PON2: variants seen among roughly 807,000 people sequenced by gnomAD.
The protein encoded by PON2 is serum paraoxonase/arylesterase 2.
In PON2, 27 loss-of-function variants were observed where a neutral mutation model predicts 36.6. The observed-to-expected ratio is 0.74, with a 90% CI of 0.54 to 1.02. The LOEUF (loss-of-function observed/expected upper bound fraction) is 1.02. Ranked by LOEUF, PON2 falls within the 50% of genes least tolerant of loss-of-function variation. The probability of loss-of-function intolerance (pLI) is 0.00; values close to 1 mark genes in which losing one functional copy is unlikely to be tolerated. For synonymous variants in PON2, 149 were observed against 156.3 expected, an observed-to-expected ratio of 0.95 and a Z score of 0.35; for missense variants, 363 against 421.1, an observed-to-expected ratio of 0.86 and a Z score of 1.21.
intron 2 of PON2, among the ~76,000 whole-genome samples, chr7:95,420,327 A>T (rs1789163468): frequency 6.6e-6 from 1 of 152,208 alleles, no homozygotes; most frequent in African/African-American, 2.4e-5. Flanking sequence ...CAAATTTTGA[A>T]GGCCAGACAT....
chr7:95,434,793 TC>T (rs1562795612), intron 1 of PON2, 84 bp downstream of exon 1: 1 of 1,436,984 alleles, frequency 7.0e-7, no homozygotes, highest in Non-Finnish European at 9.3e-7. Flanking sequence ...CAGGAATCCC[TC>T]CCCCAGCCTG....
In PON2 at chr7:95,414,005, G is replaced by A. The variant is rs144138870; in HGVS notation, c.202-1528C>T. 3.3e-3 allele frequency among the ~76,000 whole-genome samples: 507 copies of A among 152,038 alleles called. 4 individuals are homozygous for A. The highest frequency in any genetic ancestry group is 4.9e-3 in the Non-Finnish European group (330 of 67,972). ...GTGATAACTAGTCATGGTTATGTTCGCACTCCTTATTTATTTAAGTATTTT... is the reference window on the plus strand; with the variant it reads ...GTGATAACTAGTCATGGTTATGTTCACACTCCTTATTTATTTAAGTATTTT... On this transcript the variant is annotated intron_variant, in intron 3 of 8. Coordinates refer to ENST00000222572, the MANE Select transcript of PON2 (RefSeq NM_000305.3).
chr7:95,425,708 G>A (rs1789299369), intron 1 of PON2, among the ~76,000 whole-genome samples: 1 of 152,128 alleles, frequency 6.6e-6, no homozygotes, highest in Non-Finnish European at 1.5e-5. Context: ...AACCCAGAAT[G>A]ACTCATAGGT....
rs564140270 is a variant in PON2, at chr7:95,416,603, G to A, written c.146-306C>T. On this transcript the variant is annotated intron_variant, in intron 2 of 8. Coordinates refer to ENST00000222572, the MANE Select transcript of PON2 (RefSeq NM_000305.3). ...TCTCATGATAAACATCCAGATGTCC[G>A]TATAAAAGTAATTGACATCAGGGGA... 11 of 411,688 alleles carry A rather than the reference G, an allele frequency of 2.7e-5. 1 individual carries two copies. The highest frequency in any genetic ancestry group is 1.4e-4 in the African/African-American group (7 of 49,734). 25.5% of individuals were successfully genotyped at this position (411,688 alleles called of 1,614,324 possible). A position where few individuals can be genotyped will look rare whatever the true frequency, so the allele number is the denominator to read the frequency against.
intron 2 of PON2, among the ~76,000 whole-genome samples, chr7:95,420,471 A>G (rs979741291): frequency 6.6e-6 from 1 of 152,214 alleles, no homozygotes; most frequent in Non-Finnish European, 1.5e-5. Context: ...ATAGATCGGG[A>G]AGGAATTTTT....
At chr7:95,405,551 A>G (rs1809661903) in intron 8 of PON2, 63 bp from the exon 9 acceptor site, 1 of 1,492,720 alleles carries the variant, frequency 6.7e-7, no homozygotes, top group South Asian at 1.1e-5. Context: ...TCAATCATCA[A>G]TAAGCCCTGT....
rs537400581 is a variant in PON2, at chr7:95,418,199, G to T, written c.146-1902C>A. The stretch of plus-strand genomic sequence containing the variant: ...TATGTCAGGAGCAGTCAATGCTAGA[G>T]AAATTTTTGCTCCTCTAATTTAATA... On this transcript the variant is annotated intron_variant, in intron 2 of 8. Coordinates refer to ENST00000222572, the MANE Select transcript of PON2 (RefSeq NM_000305.3). 1.4e-4 allele frequency: 22 copies of T among 152,290 alleles called. 1 individual carries two copies. The highest frequency in any genetic ancestry group is 4.1e-4 in the African/African-American group (17 of 41,554). 9.4% of individuals were successfully genotyped at this position (152,290 alleles called of 1,614,324 possible). A position where few individuals can be genotyped will look rare whatever the true frequency, so the allele number is the denominator to read the frequency against.
rs373820999 is a variant in PON2, at chr7:95,407,101, A to C, written c.696-33T>G. 3.7e-6 allele frequency: 5 copies of C among 1,350,188 alleles called. No homozygotes were observed. In the African/African-American group the frequency reaches 7.2e-5, roughly 19 times the overall value. The allele number at this position is 1,350,188 out of a possible 1,614,324, so 83.6% of individuals were successfully genotyped here. ...GAAAGGACACAGTGGTTAGAGCTCCATGCCAATATAAAGCTTCATTAATAC... is the reference window on the plus strand; with the variant it reads ...GAAAGGACACAGTGGTTAGAGCTCCCTGCCAATATAAAGCTTCATTAATAC... On this transcript the variant is annotated intron_variant, in intron 6 of 8. Transcript: ENST00000222572.
chr7:95,431,418 A>G (rs1011459128), intron 1 of PON2, among the ~76,000 whole-genome samples: 1 of 151,760 alleles, frequency 6.6e-6, no homozygotes, highest in Non-Finnish European at 1.5e-5. Flanking sequence ...AGGTGGGAAC[A>G]TGCTTTTTTT....
intron 1 of PON2, among the ~76,000 whole-genome samples, chr7:95,432,865 T>C (rs534323318): frequency 6.6e-6 from 1 of 152,340 alleles, no homozygotes; most frequent in African/African-American, 2.4e-5. Context: ...ACTACAACCA[T>C]GGGACAGTGG....
intron 2 of PON2, among the ~76,000 whole-genome samples, chr7:95,417,851 A>G (rs1789105460): frequency 8.6e-6 from 1 of 115,922 alleles, no homozygotes; most frequent in African/African-American, 3.2e-5. Flanking sequence ...ACGTGGAAAA[A>G]GAAGATATAT....
chr7:95,411,522 T>C (rs1788923799), intron 5 of PON2, 131 bp downstream of exon 5: 4 of 1,153,902 alleles, frequency 3.5e-6, no homozygotes, highest in East Asian at 2.5e-5. Flanking sequence ...TAAGGAAATA[T>C]AAGCTCTTTA....
In PON2 at chr7:95,411,561, T is replaced by C. The variant is rs186821051; in HGVS notation, c.494+92A>G. On this transcript the variant is annotated intron_variant, in intron 5 of 8. Transcript: ENST00000222572. ...CTTACATATTAGCTAATATATACAT[T>C]AGCGCTTATAAAAGATGACAGGACA... 11 of 1,463,668 alleles carry C rather than the reference T, an allele frequency of 7.5e-6. No homozygotes were observed. In the Admixed American group the frequency reaches 1.2e-4, roughly 16 times the overall value. 90.7% of individuals were successfully genotyped at this position (1,463,668 alleles called of 1,614,324 possible).
intron 1 of PON2, among the ~76,000 whole-genome samples, chr7:95,427,711 G>A (rs1789348023): frequency 6.6e-6 from 1 of 152,092 alleles, no homozygotes; most frequent in Admixed American, 6.6e-5. Context: ...TTTTTCATGT[G>A]AGGAAAATAA....
rs1789498811 is a variant in PON2 at position 95,433,822 on chromosome 7, T to C, written c.74+1056A>G. Among the ~76,000 whole-genome samples the C allele has an allele frequency of 4.6e-5, 7 of 152,348 alleles. No homozygotes were observed. In the South Asian group the frequency reaches 1.4e-3, roughly 32 times the overall value. On this transcript the variant is annotated intron_variant, in intron 1 of 8. Transcript: ENST00000222572. ...ACCCACCCTTCAAGGTCAGGTCGAA[T>C]GTCTCTTCCTCCCTCTAGAACTCCA... is the stretch of plus-strand genomic sequence containing the variant.
Position 95,409,887 on chromosome 7 carries a change from A to G in PON2, c.695+14T>C, listed in dbSNP as rs372870308. 671 of 1,609,742 alleles carry G rather than the reference A, an allele frequency of 4.2e-4. 1 individual carries two copies. The highest frequency in any genetic ancestry group is 5.5e-4 in the Non-Finnish European group (643 of 1,177,598). The stretch of plus-strand genomic sequence containing the variant: ...AACTGAAGAAAAATGAAGATATTCT[A>G]TAAGGGGCCATACTTATCATCAGGT... On this transcript the variant is annotated intron_variant, in intron 6 of 8. Transcript: ENST00000222572.
chr7:95,434,535 T>G (rs1789517080), intron 1 of PON2, among the ~76,000 whole-genome samples: 1 of 152,244 alleles, frequency 6.6e-6, no homozygotes. Flanking sequence ...TGAGTAGTCA[T>G]TTTGTTTTCA....
At chr7:95,417,690 G>GACACACACACAC (rs555142509) in intron 2 of PON2, among the ~76,000 whole-genome samples, 22 of 93,880 alleles carry the variant, frequency 2.3e-4, no homozygotes, top group African/African-American at 7.4e-4. Context: ...TGTACACACA[G>GACACACACACAC]ACACACACAC....
chr7:95,424,568 G>A lies in PON2; in HGVS notation c.92C>T (p.Ser31Phe), dbSNP rs13306699. The A allele has an allele frequency of 1.2e-5, 19 of 1,612,556 alleles. No homozygotes were observed. The East Asian group carries it at 4.0e-4, about 34-fold the overall frequency. The part of the protein sequence containing the change: ...LLALRNRLKA[S>F]REVESVDLPH... ...AAGGTCTACAGATTCTACTTCTCTG[G>A]AGGCTTTAAGTCGATTTCTGTTACA... The change falls in exon 2 of 9, where the codon TCC (serine) becomes TTC (phenylalanine). Residue 31 changes from serine (S) to phenylalanine (F), a missense_variant. Transcript: ENST00000222572.
Sources: allele counts gnomAD v4.1 joint callset (sites outside exome capture counted in the v4.1 genomes callset), GRCh38; gene constraint gnomAD v4.1.1; transcripts MANE v1.5; gene names NCBI Gene and HGNC (gene_info 2026-07-23, HGNC 2026-07-21).